Variants in CACNG8 observed in about 807,000 individuals in gnomAD.
CACNG8 encodes the protein calcium voltage-gated channel auxiliary subunit gamma 8.
CACNG8 carries 5 observed loss-of-function variants against 26.9 expected under a neutral mutation model. The ratio of observed to expected loss-of-function variants is 0.19; its 90% CI spans 0.10 to 0.39. The LOEUF (loss-of-function observed/expected upper bound fraction) is 0.39, where lower values mean the gene tolerates loss of function less well. Among genes scored for constraint, CACNG8 ranks in the 10% least tolerant of loss-of-function variants. CACNG8 has a pLI of 1.00. For synonymous variants in CACNG8, 321 were observed against 296.7 expected, an observed-to-expected ratio of 1.08 and a Z score of -0.84; for missense variants, 473 against 609.4, an observed-to-expected ratio of 0.78 and a Z score of 2.36.
chr19:53,972,089 G>C (rs2069305890), intron 1 of CACNG8, among the ~76,000 whole-genome samples: 1 of 151,914 alleles, frequency 6.6e-6, no homozygotes, highest in Non-Finnish European at 1.5e-5. Flanking sequence ...CCGCTGCCTG[G>C]GTTCAAGCAA....
At chr19:53,975,859 G>A (rs775752301) in intron 1 of CACNG8, among the ~76,000 whole-genome samples, 1 of 152,162 alleles carries the variant, frequency 6.6e-6, no homozygotes. Context: ...CAGTTTCCAC[G>A]TTTGGGTAAT....
At chr19:53,975,481 G>A (rs2069325714) in intron 1 of CACNG8, among the ~76,000 whole-genome samples, 1 of 152,070 alleles carries the variant, frequency 6.6e-6, no homozygotes, top group Admixed American at 6.6e-5. Context: ...CCAGATTCAA[G>A]CAATTCACCT....
intron 1 of CACNG8, among the ~76,000 whole-genome samples, chr19:53,974,404 G>A (rs1367359088): frequency 5.9e-5 from 9 of 152,122 alleles, no homozygotes; most frequent in Admixed American, 5.9e-4. Flanking sequence ...TGTGAAAAAT[G>A]CTACTATGAA....
At chr19:53,973,736 G>A (rs1034945948) in intron 1 of CACNG8, among the ~76,000 whole-genome samples, 1 of 151,872 alleles carries the variant, frequency 6.6e-6, no homozygotes, top group Admixed American at 6.6e-5. Context: ...TGAGGCAAGA[G>A]AATGGCTTGA....
Position 53,982,312 on chromosome 19 carries a change from G to C in CACNG8, c.741G>C (p.Gly247=). 6.3e-7 allele frequency: 1 copy of C among 1,596,512 alleles called. No individual in the cohort carries two copies. The highest frequency in any genetic ancestry group is 8.5e-7 in the Non-Finnish European group (1 of 1,173,256). Residue 247 remains glycine, a synonymous_variant, in exon 4 of 4, where the codon GGG becomes GGC. Coordinates refer to ENST00000270458, the MANE Select transcript of CACNG8 (RefSeq NM_031895.6). The surrounding 1 kb of genome is among the most constrained non-coding windows in gnomAD (Gnocchi z 8.4). ...GCTCGGACCTGCTCAAGGCCGGCGGGGGCGCGGGCGGCAGTGGCGGGAGCG... is the reference window on the plus strand; with the variant it reads ...GCTCGGACCTGCTCAAGGCCGGCGGCGGCGCGGGCGGCAGTGGCGGGAGCG...
intron 1 of CACNG8, 27 bp from the exon 2 acceptor site, chr19:53,978,119 C>T: frequency 1.3e-6 from 2 of 1,568,886 alleles, no homozygotes; most frequent in South Asian, 2.3e-5. Flanking sequence ...GTATCCGCCC[C>T]CACCACTGCC....
At position 53,982,416 on chromosome 19, in the gene CACNG8, AGCCGTC is replaced by A. The variant is rs759792999; in HGVS notation, c.854_859del (p.Pro285_Ser286del). On this transcript the variant is annotated inframe_deletion, in exon 4 of 4. Coordinates refer to ENST00000270458, the MANE Select transcript of CACNG8 (RefSeq NM_031895.6). The surrounding 1 kb of genome is among the most constrained non-coding windows in gnomAD (Gnocchi z 8.4). The stretch of plus-strand genomic sequence containing the variant: ...TCCCGCTCTAGCTCCCGCTCCAGCG[AGCCGTC>A]GCCGTCGCGGGACGCGTCTCCCGGC... The A allele has an allele frequency of 6.6e-7, 1 of 1,520,736 alleles. No homozygotes were observed. The highest frequency in any genetic ancestry group is 1.2e-5 in the South Asian group (1 of 82,288). 94.2% of individuals were successfully genotyped at this position (1,520,736 alleles called of 1,614,324 possible). A position where few individuals can be genotyped will look rare whatever the true frequency, so the allele number is the denominator to read the frequency against.
At chr19:53,968,393 AAG>A (rs2069283172) in intron 1 of CACNG8, among the ~76,000 whole-genome samples, 3 of 151,876 alleles carry the variant, frequency 2.0e-5, no homozygotes, top group Admixed American at 6.6e-5. Context: ...CAAAAAAAAA[AAG>A]AGAGAGAAGA....
intron 1 of CACNG8, among the ~76,000 whole-genome samples, chr19:53,966,105 T>C (rs2069271261): frequency 1.3e-5 from 2 of 151,800 alleles, no homozygotes; most frequent in South Asian, 4.2e-4. Context: ...ATTTATTTAT[T>C]GAAACAGAGT....
At position 53,982,464 on chromosome 19, in the gene CACNG8, G is replaced by A. The variant is rs2069376484; in HGVS notation, c.893G>A (p.Gly298Asp). The A allele has an allele frequency of 6.6e-7, 1 of 1,515,270 alleles. No homozygotes were observed. Among genetic ancestry groups the A allele is most frequent in the Non-Finnish European group, 8.8e-7 (1 of 1,139,004 alleles). The allele number at this position is 1,515,270 out of a possible 1,614,324, so 93.9% of individuals were successfully genotyped here. The change falls in exon 4 of 4, where the codon GGC (glycine) becomes GAC (aspartate). Residue 298 changes from glycine (G) to aspartate (D), a missense_variant. Physicochemically the swap from Gly to Asp is moderately conservative, Grantham distance 94. This residue lies in a region of CACNG8 where 212 missense variants were observed against 214.4 expected (regional missense o/e 0.99). Coordinates refer to ENST00000270458, the MANE Select transcript of CACNG8 (RefSeq NM_031895.6). The surrounding 1 kb of genome is among the most constrained non-coding windows in gnomAD (Gnocchi z 8.4). ...TCTCCCGGCGGCCCCGGGGGCCCGG[G>A]CTTTGCCTCCACGGACATCTCCATG... is the stretch of plus-strand genomic sequence containing the variant.
intron 1 of CACNG8, among the ~76,000 whole-genome samples, chr19:53,968,336 C>G (rs1235361903): frequency 1.3e-5 from 2 of 151,296 alleles, no homozygotes; most frequent in Non-Finnish European, 2.9e-5. Context: ...GATCATACCA[C>G]TACACTCCAG....
Position 53,982,441 on chromosome 19 carries a change from T to TCCCGGCGGC in CACNG8, c.876_884dup (p.Gly296_Gly298dup). ...AGCCGTCGCCGTCGCGGGACGCGTC[T>TCCCGGCGGC]CCCGGCGGCCCCGGGGGCCCGGGCT... On this transcript the variant is annotated inframe_insertion, in exon 4 of 4. Coordinates refer to ENST00000270458, the MANE Select transcript of CACNG8 (RefSeq NM_031895.6). This position sits in a 1 kb window ranked among gnomAD's most constrained non-coding sequence, Gnocchi z 8.4. The TCCCGGCGGC allele has an allele frequency of 6.6e-7, 1 of 1,517,770 alleles. No individual in the cohort carries two copies. The highest frequency in any genetic ancestry group is 8.8e-7 in the Non-Finnish European group (1 of 1,139,940). 94.0% of individuals were successfully genotyped at this position (1,517,770 alleles called of 1,614,324 possible).
rs2069405801 is a variant in CACNG8, at chr19:53,986,037, T to C, written c.*3188T>C. On this transcript the variant is annotated 3_prime_UTR_variant, in exon 4 of 4. Coordinates refer to ENST00000270458, the MANE Select transcript of CACNG8 (RefSeq NM_031895.6). ...GGGAGAGCAGGAGAGACCAAACTAG[T>C]AGAGTCACAGACAGAGAAAAAGTCA... is the stretch of plus-strand genomic sequence containing the variant. 1 of 150,546 alleles carries C rather than the reference T, an allele frequency of 6.6e-6. No homozygotes were observed. Among genetic ancestry groups the C allele is most frequent in the Non-Finnish European group, 1.5e-5 (1 of 67,786 alleles). The allele number at this position is 150,546 out of a possible 1,614,324, so 9.3% of individuals were successfully genotyped here.
At chr19:53,964,304 T>C (rs1299253937) in intron 1 of CACNG8, among the ~76,000 whole-genome samples, 3 of 151,342 alleles carry the variant, frequency 2.0e-5, no homozygotes, top group African/African-American at 7.3e-5. Context: ...TGGCTGCTGC[T>C]CCCCTGAAAC....
Position 53,982,132 on chromosome 19 carries a change from G to A in CACNG8, c.561G>A (p.Glu187=). The A allele has an allele frequency of 6.2e-7, 1 of 1,610,494 alleles. No homozygotes were observed. Among genetic ancestry groups the A allele is most frequent in the Non-Finnish European group, 8.5e-7 (1 of 1,178,454 alleles). The change falls in exon 4 of 4, where the codon GAG becomes GAA. Residue 187 remains glutamate (E), a synonymous_variant. Transcript: ENST00000270458. This position sits in a 1 kb window ranked among gnomAD's most constrained non-coding sequence, Gnocchi z 8.4. ...TGTACATCTCCGCCAACGCGGGCGA[G>A]CCGGGCCCGAAGCGGGACGAGGAGA...
At chr19:53,967,796 C>A (rs1424971429) in intron 1 of CACNG8, among the ~76,000 whole-genome samples, 1 of 152,134 alleles carries the variant, frequency 6.6e-6, no homozygotes, top group African/African-American at 2.4e-5. Context: ...GATCGCATCA[C>A]TGCACTCTAG....
chr19:53,981,930 A>G (rs1381513820), intron 3 of CACNG8, 150 bp from the exon 4 acceptor site: 2 of 711,998 alleles, frequency 2.8e-6, no homozygotes, highest in Non-Finnish European at 4.1e-6. Flanking sequence ...AGCCAGATCC[A>G]GGACGGGGGT....
At chr19:53,973,704 G>A (rs1370846942) in intron 1 of CACNG8, among the ~76,000 whole-genome samples, 39 of 151,854 alleles carry the variant, frequency 2.6e-4, no homozygotes. Context: ...GCACACGCCT[G>A]TAATCCCAGC....
At chr19:53,974,389 G>A (rs2069318998) in intron 1 of CACNG8, among the ~76,000 whole-genome samples, 1 of 152,034 alleles carries the variant, frequency 6.6e-6, no homozygotes, top group East Asian at 1.9e-4. Flanking sequence ...CCGCTTTTTG[G>A]CTATTGTGAA....
Sources: allele counts gnomAD v4.1 joint callset (sites outside exome capture counted in the v4.1 genomes callset), GRCh38; gene constraint gnomAD v4.1.1; regional missense constraint gnomAD v4.1.1; non-coding constraint Gnocchi (gnomAD v3.1); transcripts MANE v1.5; gene names NCBI Gene and HGNC (gene_info 2026-07-23, HGNC 2026-07-21).